Variants in NFX1 observed in about 807,000 individuals in gnomAD.
NFX1 encodes transcriptional repressor NF-X1.
In NFX1, 69 loss-of-function variants were observed where a neutral mutation model predicts 137.2. The observed-to-expected ratio is 0.50, with a 90% CI of 0.41 to 0.61. The LOEUF (loss-of-function observed/expected upper bound fraction) is 0.61, where lower values mean the gene tolerates loss of function less well. Ranked by LOEUF, NFX1 falls within the 20% of genes least tolerant of loss-of-function variation. The pLI is 0.00. For missense variants in NFX1, 1,167 were observed against 1,391.0 expected (o/e 0.84, Z 2.56); for synonymous variants, 495 against 474.1 (o/e 1.04, Z -0.57).
chr9:33,297,020 T>C (rs1821381768), intron 2 of NFX1, among the ~76,000 whole-genome samples: 1 of 152,174 alleles, frequency 6.6e-6, no homozygotes, highest in Non-Finnish European at 1.5e-5. Flanking sequence ...AGTTCATCCT[T>C]ATATTGAACT....
chr9:33,300,507 T>C (rs750836048), intron 2 of NFX1, among the ~76,000 whole-genome samples: 22 of 152,178 alleles, frequency 1.4e-4, no homozygotes, highest in South Asian at 4.1e-4. Flanking sequence ...GCTAAAAGTA[T>C]GTACTCAAAA....
At chr9:33,360,379 G>A (rs932882417) in intron 19 of NFX1, among the ~76,000 whole-genome samples, 2 of 152,126 alleles carry the variant, frequency 1.3e-5, no homozygotes, top group Non-Finnish European at 2.9e-5. Context: ...TTGTTGTGAG[G>A]ATTAATACAT....
At chr9:33,354,726 C>A in intron 18 of NFX1, 125 bp from the exon 19 acceptor site, 1 of 833,912 alleles carries the variant, frequency 1.2e-6, no homozygotes, top group Non-Finnish European at 1.8e-6. Context: ...GCTTCCTGGC[C>A]TGAGGGATTG....
chr9:33,356,664 A>AT (rs1443301853), intron 19 of NFX1, among the ~76,000 whole-genome samples: 1 of 152,054 alleles, frequency 6.6e-6, no homozygotes, highest in Non-Finnish European at 1.5e-5. Context: ...ACCTGTACTG[A>AT]TTTTTTTGAG....
intron 23 of NFX1, among the ~76,000 whole-genome samples, chr9:33,368,656 C>T (rs1038505705): frequency 6.6e-6 from 1 of 152,164 alleles, no homozygotes; most frequent in African/African-American, 2.4e-5. Context: ...TACTTCAAAG[C>T]CCAGAAGGAG....
At position 33,322,200 on chromosome 9, in the gene NFX1, C is replaced by T. The variant is rs139113603; in HGVS notation, c.1906+3073C>T. Among the ~76,000 whole-genome samples the T allele has an allele frequency of 1.7e-4, 23 of 137,410 alleles. No homozygotes were observed. The East Asian group carries it at 4.1e-3, about 24-fold the overall frequency. 90.1% of individuals were successfully genotyped at this position (137,410 alleles called of 152,430 possible). A position where few individuals can be genotyped will look rare whatever the true frequency, so the allele number is the denominator to read the frequency against. On this transcript the variant is annotated intron_variant, in intron 9 of 23. Coordinates refer to ENST00000379540, the MANE Select transcript of NFX1 (RefSeq NM_002504.6). Reference sequence around the variant, plus strand: ...TAGGTGACAGAGTGAGACTCCATCTCGAAAAAAAAAAAAAAAAGTCTCTAG... The same window carrying T: ...TAGGTGACAGAGTGAGACTCCATCTTGAAAAAAAAAAAAAAAAGTCTCTAG...
intron 5 of NFX1, among the ~76,000 whole-genome samples, chr9:33,307,912 TC>T (rs1216804123): frequency 6.7e-6 from 1 of 148,318 alleles, no homozygotes; most frequent in Admixed American, 6.8e-5. Context: ...CAAGCCATCC[TC>T]CCACCTCATC....
intron 15 of NFX1, among the ~76,000 whole-genome samples, chr9:33,350,724 C>T (rs1033433772): frequency 1.3e-5 from 2 of 152,204 alleles, no homozygotes; most frequent in African/African-American, 4.8e-5. Flanking sequence ...GATGCAGTGG[C>T]ATGTACCTGT....
At chr9:33,338,707 G>A in intron 12 of NFX1, 118 bp downstream of exon 12, 2 of 837,952 alleles carry the variant, frequency 2.4e-6, no homozygotes, top group South Asian at 3.5e-5. Context: ...AGGCCCCTAA[G>A]CAGCAGTCAG....
chr9:33,356,380 C>T (rs1053962702), intron 19 of NFX1, among the ~76,000 whole-genome samples: 7 of 152,094 alleles, frequency 4.6e-5, no homozygotes, highest in African/African-American at 2.4e-5. Context: ...CCTTTGTTGG[C>T]TCTATGTATA....
chr9:33,330,814 G>T (rs567779502), intron 10 of NFX1, among the ~76,000 whole-genome samples: 1 of 152,130 alleles, frequency 6.6e-6, no homozygotes, highest in Non-Finnish European at 1.5e-5. Context: ...TCCTTAAATT[G>T]CAGGAGGAGC....
Position 33,347,130 on chromosome 9 carries a change from T to C in NFX1, c.2424+13T>C. 1 of 1,590,178 alleles carries C rather than the reference T, an allele frequency of 6.3e-7. No individual in the cohort carries two copies. The highest frequency in any genetic ancestry group is 1.1e-5 in the South Asian group (1 of 90,008). On this transcript the variant is annotated intron_variant, in intron 15 of 23. Transcript: ENST00000379540. ...GGGCAAGCATGAGGTAAGTTTTCTC[T>C]CTCAAGTGCTCATTGTTCCAGGCAG...
chr9:33,322,633 T>A (rs758363726), intron 9 of NFX1, among the ~76,000 whole-genome samples: 9 of 152,094 alleles, frequency 5.9e-5, no homozygotes, highest in Non-Finnish European at 1.3e-4. Flanking sequence ...AGCTCACTCG[T>A]AGGGCAGAGG....
intron 9 of NFX1, among the ~76,000 whole-genome samples, chr9:33,325,312 A>G (rs573452634): frequency 9.2e-5 from 14 of 152,324 alleles, no homozygotes; most frequent in Non-Finnish European, 1.6e-4. Context: ...ATCAGAAACA[A>G]TGGAGAACAC....
chr9:33,337,869 C>T (rs1248909441), intron 11 of NFX1, among the ~76,000 whole-genome samples: 2 of 151,726 alleles, frequency 1.3e-5, no homozygotes, highest in African/African-American at 2.4e-5. Context: ...GCCAACATGG[C>T]GAAACCCTGT....
chr9:33,330,590 A>T (rs1438252042), intron 10 of NFX1, among the ~76,000 whole-genome samples: 1 of 152,150 alleles, frequency 6.6e-6, no homozygotes, highest in African/African-American at 2.4e-5. Context: ...GCTCTTTGTG[A>T]TCTGTGTGAC....
At chr9:33,360,078 C>T (rs1823940868) in intron 19 of NFX1, among the ~76,000 whole-genome samples, 2 of 152,178 alleles carry the variant, frequency 1.3e-5, no homozygotes, top group South Asian at 4.1e-4. Context: ...CCTTTAGGAA[C>T]CGTCAGTCAG....
At chr9:33,349,999 T>G (rs1012930889) in intron 15 of NFX1, among the ~76,000 whole-genome samples, 6 of 151,880 alleles carry the variant, frequency 4.0e-5, no homozygotes, top group Non-Finnish European at 7.4e-5. Flanking sequence ...AGAGCAAGAT[T>G]CTGCCTCAAA....
chr9:33,356,167 C>T (rs1000959253), intron 19 of NFX1, among the ~76,000 whole-genome samples: 23 of 152,180 alleles, frequency 1.5e-4, no homozygotes, highest in African/African-American at 5.5e-4. Flanking sequence ...TAATTTTAGC[C>T]ATTTTGTAGA....
Sources: allele counts gnomAD v4.1 joint callset (sites outside exome capture counted in the v4.1 genomes callset), GRCh38; gene constraint gnomAD v4.1.1; transcripts MANE v1.5; gene names NCBI Gene and HGNC (gene_info 2026-07-23, HGNC 2026-07-21).